EEF2KMT: variants seen among roughly 807,000 people sequenced by gnomAD.
EEF2KMT encodes eukaryotic elongation factor 2 lysine methyltransferase.
A neutral mutation model predicts 35.1 loss-of-function variants in EEF2KMT; 30 were observed. The observed-to-expected ratio is 0.85, with a 90% CI of 0.64 to 1.16. EEF2KMT has a LOEUF of 1.16. Among genes scored for constraint, EEF2KMT ranks in the 50% most tolerant of loss-of-function variants. The pLI is 0.00. For missense variants in EEF2KMT, 499 were observed against 438.2 expected (o/e 1.14, Z -1.24); for synonymous variants, 190 against 187.7 (o/e 1.01, Z -0.10).
Position 5,088,492 on chromosome 16 carries a change from T to C in EEF2KMT, c.892+615A>G, listed in dbSNP as rs529454981. ...GGGGCTTGGGTGTAGTGTGGAGGCG[T>C]GAGAGCCAGGTGGCTGGGGTGCAGT... On this transcript the variant is annotated intron_variant, in intron 7 of 7. Coordinates refer to ENST00000427587, the MANE Select transcript of EEF2KMT (RefSeq NM_201400.4). Among the ~76,000 whole-genome samples the C allele has an allele frequency of 1.1e-3, 171 of 151,738 alleles. 3 individuals carry two copies. The East Asian group carries it at 0.032, about 28-fold the overall frequency.
intron 1 of EEF2KMT, 109 bp downstream of exon 1, chr16:5,097,535 C>G: frequency 1.3e-6 from 2 of 1,498,344 alleles, no homozygotes; most frequent in Non-Finnish European, 1.8e-6. Context: ...GGCGGGAGCC[C>G]AGGAACTCAC....
At position 5,091,787 on chromosome 16, in the gene EEF2KMT, C is replaced by T. The variant is rs757640973; in HGVS notation, c.342+7G>A. On this transcript the variant is annotated splice_region_variant and intron_variant, in intron 4 of 7. Transcript: ENST00000427587. ...CTGTGAGGGGGAGGAGGGTGCCCTT[C>T]TCATACCAGCAAATAGCTCCGGTGG... 1 of 1,611,524 alleles carries T rather than the reference C, an allele frequency of 6.2e-7. No homozygotes were observed. Among genetic ancestry groups the T allele is most frequent in the Admixed American group, 1.7e-5 (1 of 59,986 alleles).
chr16:5,092,055 G>T, intron 3 of EEF2KMT, 160 bp from the exon 4 acceptor site: 1 of 1,379,150 alleles, frequency 7.3e-7, no homozygotes, highest in Non-Finnish European at 9.8e-7. Flanking sequence ...GGTGGTGTGT[G>T]CCGAATAGTC....
intron 7 of EEF2KMT, among the ~76,000 whole-genome samples, chr16:5,085,973 G>A (rs989128586): frequency 6.6e-6 from 1 of 152,200 alleles, no homozygotes; most frequent in Admixed American, 6.6e-5. Context: ...CTCTCTGCCT[G>A]TGTCTGCCCC....
chr16:5,097,536 A>C (rs1272278899), intron 1 of EEF2KMT, 108 bp downstream of exon 1: 1 of 1,497,604 alleles, frequency 6.7e-7, no homozygotes, highest in Non-Finnish European at 8.9e-7. Flanking sequence ...GCGGGAGCCC[A>C]GGAACTCACG....
At chr16:5,087,529 T>C (rs1244561985) in intron 7 of EEF2KMT, 2 of 152,162 alleles carry the variant, frequency 1.3e-5, no homozygotes, top group Non-Finnish European at 2.9e-5. Context: ...TTGGGCGCAG[T>C]AGCTCACGCC....
intron 7 of EEF2KMT, among the ~76,000 whole-genome samples, chr16:5,088,693 T>C (rs1459304274): frequency 6.6e-6 from 1 of 152,052 alleles, no homozygotes; most frequent in Non-Finnish European, 1.5e-5. Flanking sequence ...CTGCTCGTCT[T>C]CCACCGACTG....
chr16:5,090,358 A>G lies in EEF2KMT; in HGVS notation c.477-9T>C, dbSNP rs1378331425. 6.2e-7 allele frequency: 1 copy of G among 1,611,978 alleles called. No individual in the cohort carries two copies. The highest frequency in any genetic ancestry group is 8.5e-7 in the Non-Finnish European group (1 of 1,179,842). On this transcript the variant is annotated splice_polypyrimidine_tract_variant and intron_variant, in intron 5 of 7. Coordinates refer to ENST00000427587, the MANE Select transcript of EEF2KMT (RefSeq NM_201400.4). This position sits in a 1 kb window ranked among gnomAD's most constrained non-coding sequence, Gnocchi z 4.1. Reference sequence around the variant, plus strand: ...CAAGCTCTAGGACAGTCCTGGCGGGAGGAAAGGGGACCGTGTCTGCGACTG... The same window carrying G: ...CAAGCTCTAGGACAGTCCTGGCGGGGGGAAAGGGGACCGTGTCTGCGACTG...
In EEF2KMT at chr16:5,085,068, T is replaced by C; in HGVS notation, c.*564A>G. The C allele has an allele frequency of 9.3e-7, 1 of 1,078,500 alleles. No homozygotes were observed. The highest frequency in any genetic ancestry group is 1.5e-5 in the South Asian group (1 of 67,286). The allele number at this position is 1,078,500 out of a possible 1,614,324, so 66.8% of individuals were successfully genotyped here. Reference sequence around the variant, plus strand: ...GAAGCTTTGGTTGGCCTTGATTTCTTCTCTGGAGGCTTGGAAACGCTTCCT... The same window carrying C: ...GAAGCTTTGGTTGGCCTTGATTTCTCCTCTGGAGGCTTGGAAACGCTTCCT... On this transcript the variant is annotated 3_prime_UTR_variant, in exon 8 of 8. Coordinates refer to ENST00000427587, the MANE Select transcript of EEF2KMT (RefSeq NM_201400.4).
chr16:5,095,503 T>A lies in EEF2KMT; in HGVS notation c.108A>T (p.Ala36=). Residue 36 remains alanine, a synonymous_variant, in exon 2 of 8, where the codon GCA becomes GCT. Transcript: ENST00000427587. The part of the protein sequence containing the change: ...LRSFPWQSLE[A]KLRDSSDSEL... ...CAGAATCTGATGAGTCTCTTAACTT[T>A]GCTTCTAAGCTCTGTGTGGAGGGGA... is the stretch of plus-strand genomic sequence containing the variant. 6.2e-7 allele frequency: 1 copy of A among 1,611,640 alleles called. No homozygotes were observed. Among genetic ancestry groups the A allele is most frequent in the Non-Finnish European group, 8.5e-7 (1 of 1,179,600 alleles).
chr16:5,094,235 G>T (rs577039993), intron 2 of EEF2KMT, among the ~76,000 whole-genome samples: 1 of 152,166 alleles, frequency 6.6e-6, no homozygotes, highest in African/African-American at 2.4e-5. Flanking sequence ...AGTACCCCAC[G>T]CAATACACAG....
At position 5,092,587 on chromosome 16, in the gene EEF2KMT, C is replaced by T. The variant is rs184842341; in HGVS notation, c.241-692G>A. Reference sequence around the variant, plus strand: ...TTATTTGCTAAAAGTGTGGCTCTTTCACTCAGCAGGTCTGCTACTGCCTAC... The same window carrying T: ...TTATTTGCTAAAAGTGTGGCTCTTTTACTCAGCAGGTCTGCTACTGCCTAC... On this transcript the variant is annotated intron_variant, in intron 3 of 7. Coordinates refer to ENST00000427587, the MANE Select transcript of EEF2KMT (RefSeq NM_201400.4). 1.3e-3 allele frequency among the ~76,000 whole-genome samples: 192 copies of T among 152,368 alleles called. 1 individual carries two copies. Among genetic ancestry groups the T allele is most frequent in the African/African-American group, 4.4e-3 (183 of 41,592 alleles).
At chr16:5,095,827 G>C (rs1957448577) in intron 1 of EEF2KMT, among the ~76,000 whole-genome samples, 1 of 50,104 alleles carries the variant, frequency 2.0e-5, no homozygotes, top group African/African-American at 5.3e-5. Flanking sequence ...AGGTTTGATG[G>C]GCTTGCCATC....
rs1957442841 is a variant in EEF2KMT at position 5,095,615 on chromosome 16, G to A, written c.97-101C>T. The A allele has an allele frequency of 6.4e-6, 10 of 1,570,744 alleles. No homozygotes were observed. In the Admixed American group the frequency reaches 1.2e-4, roughly 19 times the overall value. ...AAAGCGCTGTGTGATCCCTCCCTGGGGACGTGGAGCCAGTTGGAAGTGGAA... is the reference window on the plus strand; with the variant it reads ...AAAGCGCTGTGTGATCCCTCCCTGGAGACGTGGAGCCAGTTGGAAGTGGAA... On this transcript the variant is annotated intron_variant, in intron 1 of 7. Coordinates refer to ENST00000427587, the MANE Select transcript of EEF2KMT (RefSeq NM_201400.4).
chr16:5,095,299 G>T (rs1336580172), intron 2 of EEF2KMT, 153 bp downstream of exon 2: 2 of 1,138,134 alleles, frequency 1.8e-6, no homozygotes, highest in Non-Finnish European at 2.6e-6. Flanking sequence ...TGTCAGAGGT[G>T]CTGACACCCA....
Position 5,090,452 on chromosome 16 carries a change from G to A in EEF2KMT, c.456C>T (p.Asn152=), listed in dbSNP as rs777145170. The A allele has an allele frequency of 6.2e-7, 1 of 1,612,034 alleles. No homozygotes were observed. Among genetic ancestry groups the A allele is most frequent in the Non-Finnish European group, 8.5e-7 (1 of 1,179,862 alleles). The change falls in exon 5 of 8, where the codon AAC becomes AAT. Residue 152 remains asparagine (N), a synonymous_variant. Transcript: ENST00000427587. This position sits in a 1 kb window ranked among gnomAD's most constrained non-coding sequence, Gnocchi z 4.1. The part of the protein sequence containing the change: ...ALYLAEWAIE[N]PAVFTNRTVL... ...GTCACCTGTTAGTGAAGACTGCCGGGTTCTCGATGGCCCATTCTGCAAGGT... is the reference window on the plus strand; with the variant it reads ...GTCACCTGTTAGTGAAGACTGCCGGATTCTCGATGGCCCATTCTGCAAGGT...
rs1463875999 is a variant in EEF2KMT, at chr16:5,084,452, G to A, written c.*1180C>T. The A allele has an allele frequency of 1.3e-5, 7 of 558,342 alleles. No homozygotes were observed. Among genetic ancestry groups the A allele is most frequent in the Middle Eastern group, 4.9e-4 (1 of 2,032 alleles). The allele number at this position is 558,342 out of a possible 1,614,324, so 34.6% of individuals were successfully genotyped here. A position where few individuals can be genotyped will look rare whatever the true frequency, so the allele number is the denominator to read the frequency against. ...GTTACCCACAGATGGGTGAGACTGC[G>A]TTGGCCAGAGGCCGAGAGGAGGGTG... On this transcript the variant is annotated 3_prime_UTR_variant, in exon 8 of 8. Coordinates refer to ENST00000427587, the MANE Select transcript of EEF2KMT (RefSeq NM_201400.4).
chr16:5,096,837 G>A (rs1388083761), intron 1 of EEF2KMT, among the ~76,000 whole-genome samples: 2 of 152,212 alleles, frequency 1.3e-5, no homozygotes, highest in Non-Finnish European at 2.9e-5. Context: ...GACCTATGAT[G>A]CTTTTATGAA....
Position 5,091,865 on chromosome 16 carries a change from C to T in EEF2KMT, c.271G>A (p.Glu91Lys), listed in dbSNP as rs751631132. ...GTCTCCGCCAGCGCTTCATACAGCT[C>T]GTCCAAAGGCTCTGTGTGGACAGCC... ...HEAVHTEPLD[E>K]LYEALAETLM... Residue 91 changes from glutamate (E) to lysine (K), a missense_variant, in exon 4 of 8, where the codon GAG becomes AAG. Coordinates refer to ENST00000427587, the MANE Select transcript of EEF2KMT (RefSeq NM_201400.4). 33 of 1,611,768 alleles carry T rather than the reference C, an allele frequency of 2.0e-5. No individual in the cohort carries two copies. The highest frequency in any genetic ancestry group is 3.3e-5 in the South Asian group (3 of 90,996).
Sources: allele counts gnomAD v4.1 joint callset (sites outside exome capture counted in the v4.1 genomes callset), GRCh38; gene constraint gnomAD v4.1.1; non-coding constraint Gnocchi (gnomAD v3.1); transcripts MANE v1.5; gene names NCBI Gene and HGNC (gene_info 2026-07-23, HGNC 2026-07-21).